Variants in AKIRIN1 observed in about 807,000 individuals in gnomAD.
AKIRIN1 encodes the protein akirin-1.
Under a neutral mutation model 25.9 loss-of-function variants are expected in AKIRIN1, and 4 were observed. The ratio of observed to expected loss-of-function variants is 0.15; its 90% CI spans 0.08 to 0.35. The LOEUF is 0.35. Among genes scored for constraint, AKIRIN1 ranks in the 10% least tolerant of loss-of-function variants. The pLI, the probability that AKIRIN1 is intolerant of heterozygous loss-of-function variation, is 1.00. For synonymous variants in AKIRIN1, 125 were observed against 105.1 expected (o/e 1.19, Z -1.16); for missense variants, 243 against 266.1 (o/e 0.91, Z 0.61).
chr1:39,003,364 G>T lies in AKIRIN1; in HGVS notation c.514G>T (p.Val172Leu). The T allele has an allele frequency of 6.2e-7, 1 of 1,613,786 alleles. No individual in the cohort carries two copies. Among genetic ancestry groups the T allele is most frequent in the Non-Finnish European group, 8.5e-7 (1 of 1,179,952 alleles). ...TKLAEQYESFVKFTHDQIMRR... is the reference protein window; with the variant it reads ...TKLAEQYESFLKFTHDQIMRR... ...TCTCACAGAACAATATGAATCTTTT[G>T]TGAAATTCACACATGATCAGATTAT... The change falls in exon 4 of 5, where the codon GTG becomes TTG. Residue 172 changes from valine (V) to leucine (L), a missense_variant. This residue lies in a region of AKIRIN1 where 25 missense variants were observed against 45.3 expected (regional missense o/e 0.55). Coordinates refer to ENST00000432648, the MANE Select transcript of AKIRIN1 (RefSeq NM_024595.3).
In AKIRIN1 at chr1:38,991,442, G is replaced by T. The variant is rs1343853788; in HGVS notation, c.62G>T (p.Gly21Val). The change falls in exon 1 of 5, where the codon GGC becomes GTC. Residue 21 changes from glycine (G) to valine (V), a missense_variant. Gly to Val is a moderately radical substitution (Grantham distance 109, BLOSUM62 -3). Coordinates refer to ENST00000432648, the MANE Select transcript of AKIRIN1 (RefSeq NM_024595.3). ...MEFEAALLSP[G>V]SPKRRRCAPL... ...TTCGAGGCGGCGCTGCTGAGCCCCGGCTCCCCGAAGCGGCGGCGCTGCGCC... is the reference window on the plus strand; with the variant it reads ...TTCGAGGCGGCGCTGCTGAGCCCCGTCTCCCCGAAGCGGCGGCGCTGCGCC... The T allele has an allele frequency of 1.5e-6, 2 of 1,370,400 alleles. No individual in the cohort carries two copies. The allele number at this position is 1,370,400 out of a possible 1,614,324, so 84.9% of individuals were successfully genotyped here. A position where few individuals can be genotyped will look rare whatever the true frequency, so the allele number is the denominator to read the frequency against.
At chr1:38,997,552 C>G (rs181521466) in intron 1 of AKIRIN1, among the ~76,000 whole-genome samples, 1 of 151,436 alleles carries the variant, frequency 6.6e-6, no homozygotes, top group Non-Finnish European at 1.5e-5. Flanking sequence ...TTTTTTGAGA[C>G]GAGATTTTGC....
In AKIRIN1 at chr1:38,991,327, T is replaced by C. The variant is rs1042773004; in HGVS notation, c.-54T>C. The C allele has an allele frequency of 2.9e-4, 383 of 1,312,198 alleles. No homozygotes were observed. The highest frequency in any genetic ancestry group is 3.7e-4 in the Non-Finnish European group (380 of 1,029,852). The allele number at this position is 1,312,198 out of a possible 1,614,324, so 81.3% of individuals were successfully genotyped here. ...GGCTGGCGAGCCCGGCTGAGGAGCC[T>C]CTTGGGCCGCACTTACCGCCGCGTC... On this transcript the variant is annotated 5_prime_UTR_variant, in exon 1 of 5. Transcript: ENST00000432648.
rs1028914594 is a variant in AKIRIN1 at position 38,991,950 on chromosome 1, C to A, written c.220+350C>A. Among the ~76,000 whole-genome samples the A allele has an allele frequency of 8.5e-5, 12 of 141,496 alleles. No homozygotes were observed. In the East Asian group the frequency reaches 2.5e-3, roughly 29 times the overall value. The allele number at this position is 141,496 out of a possible 152,430, so 92.8% of individuals were successfully genotyped here. On this transcript the variant is annotated intron_variant, in intron 1 of 4. Transcript: ENST00000432648. Reference sequence around the variant, plus strand: ...TCTGCACCGAGCAACCCTGCAGATCCAGTGGGCCATGGAAAATTGGATTCT... The same window carrying A: ...TCTGCACCGAGCAACCCTGCAGATCAAGTGGGCCATGGAAAATTGGATTCT...
intron 4 of AKIRIN1, 102 bp downstream of exon 4, chr1:39,003,520 T>A: frequency 9.2e-7 from 1 of 1,084,296 alleles, no homozygotes; most frequent in Non-Finnish European, 1.4e-6. Context: ...TGAAGTAAAA[T>A]GTGCCCAGCA....
chr1:38,995,095 T>G (rs548762559), intron 1 of AKIRIN1, among the ~76,000 whole-genome samples: 1 of 152,248 alleles, frequency 6.6e-6, no homozygotes, highest in East Asian at 1.9e-4. Context: ...CCTCCCAAAG[T>G]GCTGGGATTG....
intron 1 of AKIRIN1, among the ~76,000 whole-genome samples, chr1:38,994,872 T>G (rs1415739440): frequency 2.0e-5 from 3 of 151,874 alleles, no homozygotes; most frequent in Non-Finnish European, 4.4e-5. Context: ...GTATTTTTAG[T>G]GGAGATAGGG....
At chr1:39,002,188 T>A (rs1036959319) in intron 3 of AKIRIN1, among the ~76,000 whole-genome samples, 1 of 152,226 alleles carries the variant, frequency 6.6e-6, no homozygotes, top group African/African-American at 2.4e-5. Flanking sequence ...GATCTGTTGC[T>A]TAGGGTGACA....
At chr1:38,993,049 C>T (rs151159479) in intron 1 of AKIRIN1, among the ~76,000 whole-genome samples, 82 of 152,294 alleles carry the variant, frequency 5.4e-4, no homozygotes, top group Non-Finnish European at 9.8e-4. Flanking sequence ...CCTGCAGATA[C>T]CTAAAGATAG....
intron 1 of AKIRIN1, among the ~76,000 whole-genome samples, chr1:38,993,737 G>C (rs1457409074): frequency 1.3e-5 from 2 of 151,906 alleles, no homozygotes; most frequent in East Asian, 3.9e-4. Flanking sequence ...CCAGGAATTC[G>C]AGACAAGTCT....
chr1:38,996,624 G>C (rs752897276), intron 1 of AKIRIN1, among the ~76,000 whole-genome samples: 1 of 151,958 alleles, frequency 6.6e-6, no homozygotes, highest in South Asian at 2.1e-4. Context: ...CCACCTCCCC[G>C]GTTCAAGAGA....
In AKIRIN1 at chr1:38,998,294, C is replaced by A; in HGVS notation, c.344C>A (p.Thr115Lys). The A allele has an allele frequency of 6.2e-7, 1 of 1,610,478 alleles. No individual in the cohort carries two copies. The highest frequency in any genetic ancestry group is 8.5e-7 in the Non-Finnish European group (1 of 1,178,444). ...SESQPHSSAL[T>K]APSSPGSSWM... is the part of the protein sequence containing the mutation. ...AGTCAACCTCACTCCTCAGCACTCA[C>A]AGCACCTAGCTCTCCAGGTAAGCCC... Residue 115 changes from threonine to lysine, a missense_variant, in exon 2 of 5, where the codon ACA (threonine) becomes AAA (lysine). By Grantham distance (78) the Thr-to-Lys change is moderately conservative (BLOSUM62 -1). Coordinates refer to ENST00000432648, the MANE Select transcript of AKIRIN1 (RefSeq NM_024595.3).
At chr1:39,000,916 G>T in intron 2 of AKIRIN1, 56 bp from the exon 3 acceptor site, 1 of 1,536,464 alleles carries the variant, frequency 6.5e-7, no homozygotes. Context: ...CAAAGTGCTG[G>T]GATTATAGGT....
rs1385597708 is a variant in AKIRIN1 at position 39,005,409 on chromosome 1, C to G, written c.*1354C>G. 2.0e-5 allele frequency: 3 copies of G among 152,044 alleles called. No individual in the cohort carries two copies. The highest frequency in any genetic ancestry group is 2.9e-5 in the Non-Finnish European group (2 of 68,028). The allele number at this position is 152,044 out of a possible 1,614,324, so 9.4% of individuals were successfully genotyped here. A position where few individuals can be genotyped will look rare whatever the true frequency, so the allele number is the denominator to read the frequency against. Reference sequence around the variant, plus strand: ...CTGCTTCAGCTTTGTTTTGGCAACCCCCTGCCCGAAGTCGCATATAGGCTG... The same window carrying G: ...CTGCTTCAGCTTTGTTTTGGCAACCGCCTGCCCGAAGTCGCATATAGGCTG... On this transcript the variant is annotated 3_prime_UTR_variant, in exon 5 of 5. Coordinates refer to ENST00000432648, the MANE Select transcript of AKIRIN1 (RefSeq NM_024595.3).
At chr1:38,999,098 T>C (rs1450058740) in intron 2 of AKIRIN1, among the ~76,000 whole-genome samples, 1 of 152,186 alleles carries the variant, frequency 6.6e-6, no homozygotes, top group Non-Finnish European at 1.5e-5. Flanking sequence ...CATGGTCATG[T>C]AGTGACTCAG....
rs781618322 is a variant in AKIRIN1, at chr1:39,004,198, A to G, written c.*143A>G. The G allele has an allele frequency of 4.4e-6, 4 of 907,902 alleles. No homozygotes were observed. The highest frequency in any genetic ancestry group is 1.9e-5 in the Admixed American group (1 of 53,950). 56.2% of individuals were successfully genotyped at this position (907,902 alleles called of 1,614,324 possible). ...CGTTTCTGCAGGTCCATTTTATACA[A>G]CTTGAAAGACCGTAAAACTTTCTGG... On this transcript the variant is annotated 3_prime_UTR_variant, in exon 5 of 5. Transcript: ENST00000432648.
chr1:39,003,329 T>C lies in AKIRIN1; in HGVS notation c.497-18T>C. On this transcript the variant is annotated intron_variant, in intron 3 of 4. Transcript: ENST00000432648. Reference sequence around the variant, plus strand: ...GAGGGAGAGTTGCTGAGGATAAGTATGTACTGTCTTCTCACAGAACAATAT... The same window carrying C: ...GAGGGAGAGTTGCTGAGGATAAGTACGTACTGTCTTCTCACAGAACAATAT... 6.2e-7 allele frequency: 1 copy of C among 1,611,480 alleles called. No individual in the cohort carries two copies. The highest frequency in any genetic ancestry group is 8.5e-7 in the Non-Finnish European group (1 of 1,178,142).
In AKIRIN1 at chr1:39,004,973, C is replaced by T. The variant is rs1644023661; in HGVS notation, c.*918C>T. 1 of 152,324 alleles carries T rather than the reference C, an allele frequency of 6.6e-6. No individual in the cohort carries two copies. The highest frequency in any genetic ancestry group is 2.4e-5 in the African/African-American group (1 of 41,456). 9.4% of individuals were successfully genotyped at this position (152,324 alleles called of 1,614,324 possible). ...GGGCCAGGCCCCGGCAGCACTGCTA[C>T]TTGGGAGGAGCCACTTCACCTTTGT... On this transcript the variant is annotated 3_prime_UTR_variant, in exon 5 of 5. Transcript: ENST00000432648.
At chr1:38,997,476 G>GC in intron 1 of AKIRIN1, among the ~76,000 whole-genome samples, 1 of 152,012 alleles carries the variant, frequency 6.6e-6, no homozygotes, top group Non-Finnish European at 1.5e-5. Context: ...GGTTTCTGCT[G>GC]CCCCCTTTCC....
Sources: gnomAD v4.1 joint callset for allele counts (sites outside exome capture counted in the v4.1 genomes callset) on GRCh38, gnomAD v4.1.1 for gene constraint, gnomAD v4.1.1 regional missense constraint, MANE v1.5 for transcripts, NCBI Gene and HGNC (gene_info 2026-07-23, HGNC 2026-07-21) for gene names.